Variants in KCNG4 observed in about 807,000 individuals in gnomAD.
KCNG4 encodes potassium voltage-gated channel modifier subfamily G member 4.
KCNG4 carries 30 observed loss-of-function variants against 28.2 expected under a neutral mutation model. The observed-to-expected ratio is 1.06, with a 90% CI of 0.80 to 1.44. The LOEUF (loss-of-function observed/expected upper bound fraction) is 1.44. KCNG4 is among the 40% of genes most tolerant of loss of function. KCNG4 has a pLI of 0.00. For missense variants in KCNG4, 879 were observed against 712.3 expected (o/e 1.23, Z -2.66); for synonymous variants, 375 against 315.5 (o/e 1.19, Z -2.00).
intron 2 of KCNG4, among the ~76,000 whole-genome samples, chr16:84,230,475 G>T (rs184358619): frequency 6.6e-6 from 1 of 150,450 alleles, no homozygotes; most frequent in Non-Finnish European, 1.5e-5. Context: ...AGGAGGCTGA[G>T]GCAGGAGAAT....
At chr16:84,223,407 C>A (rs1378183781) in intron 2 of KCNG4, among the ~76,000 whole-genome samples, 1 of 152,172 alleles carries the variant, frequency 6.6e-6, no homozygotes, top group Non-Finnish European at 1.5e-5. Flanking sequence ...GAGGAGGGAA[C>A]ATCAAGGCGG....
At position 84,221,081 on chromosome 16, in the gene KCNG4, C is replaced by T. The variant is rs1378270089; in HGVS notation, c.*1136G>A. 6.6e-6 allele frequency: 1 copy of T among 152,424 alleles called. No individual in the cohort carries two copies. Among genetic ancestry groups the T allele is most frequent in the African/African-American group, 2.4e-5 (1 of 41,456 alleles). 9.4% of individuals were successfully genotyped at this position (152,424 alleles called of 1,614,324 possible). On this transcript the variant is annotated 3_prime_UTR_variant, in exon 3 of 3. Transcript: ENST00000308251. Reference sequence around the variant, plus strand: ...CTCTCAGAATATGCTGGTTTATCTCCAGTGACTCAGACCTCCATCTGCCTC... The same window carrying T: ...CTCTCAGAATATGCTGGTTTATCTCTAGTGACTCAGACCTCCATCTGCCTC...
At chr16:84,223,123 A>T in intron 2 of KCNG4, 103 bp from the exon 3 acceptor site, 2 of 953,076 alleles carry the variant, frequency 2.1e-6, no homozygotes, top group Non-Finnish European at 3.1e-6. Flanking sequence ...CTGTAAACTT[A>T]GTCGTCCACC....
intron 1 of KCNG4, among the ~76,000 whole-genome samples, chr16:84,239,088 C>T (rs927724518): frequency 1.3e-5 from 2 of 152,216 alleles, no homozygotes; most frequent in Admixed American, 1.3e-4. Context: ...CTTACATTTT[C>T]AGATGCACTC....
chr16:84,223,858 T>A (rs184780452), intron 2 of KCNG4, among the ~76,000 whole-genome samples: 1 of 152,176 alleles, frequency 6.6e-6, no homozygotes, highest in Non-Finnish European at 1.5e-5. Flanking sequence ...ACAGATATCG[T>A]TTCTGATGGC....
intron 2 of KCNG4, among the ~76,000 whole-genome samples, chr16:84,227,163 G>A (rs1247717402): frequency 6.6e-6 from 1 of 152,198 alleles, no homozygotes; most frequent in Non-Finnish European, 1.5e-5. Flanking sequence ...GTAAAATGGG[G>A]CAGCGGCAGT....
intron 1 of KCNG4, among the ~76,000 whole-genome samples, chr16:84,238,486 TC>T (rs770164413): frequency 7.9e-5 from 12 of 152,190 alleles, no homozygotes; most frequent in Middle Eastern, 3.2e-3. Flanking sequence ...ACAGTACTCC[TC>T]CATGTTCGTT....
intron 2 of KCNG4, among the ~76,000 whole-genome samples, chr16:84,230,311 A>G (rs959764713): frequency 6.8e-6 from 1 of 148,076 alleles, no homozygotes; most frequent in Non-Finnish European, 1.5e-5. Flanking sequence ...AGGCTGAGGC[A>G]GGAGAATCGC....
At position 84,219,751 on chromosome 16, in the gene KCNG4, A is replaced by C. The variant is rs929649332; in HGVS notation, c.*2466T>G. 7.1e-6 allele frequency: 1 copy of C among 141,010 alleles called. No individual in the cohort carries two copies. Among genetic ancestry groups the C allele is most frequent in the Non-Finnish European group, 1.5e-5 (1 of 65,798 alleles). 8.7% of individuals were successfully genotyped at this position (141,010 alleles called of 1,614,324 possible). A position where few individuals can be genotyped will look rare whatever the true frequency, so the allele number is the denominator to read the frequency against. On this transcript the variant is annotated 3_prime_UTR_variant, in exon 3 of 3. Coordinates refer to ENST00000308251, the MANE Select transcript of KCNG4 (RefSeq NM_172347.3). The stretch of plus-strand genomic sequence containing the variant: ...CAAAAAAAAAAAAAAAAAAAATGTT[A>C]GTCTGGGCCGGGTGCGGTGGCTCGT...
At chr16:84,238,830 T>TG (rs113927033) in intron 1 of KCNG4, among the ~76,000 whole-genome samples, 5 of 152,006 alleles carry the variant, frequency 3.3e-5, no homozygotes, top group African/African-American at 1.2e-4. Context: ...ATTGCGCCAT[T>TG]GCACTCCAGC....
chr16:84,232,634 T>C (rs1904852680), intron 2 of KCNG4, among the ~76,000 whole-genome samples: 1 of 152,156 alleles, frequency 6.6e-6, no homozygotes, highest in Admixed American at 6.5e-5. Flanking sequence ...GTGCAGTGAC[T>C]CACGCCTATA....
intron 2 of KCNG4, among the ~76,000 whole-genome samples, chr16:84,229,651 A>G (rs10221043): frequency 0.62 from 94,039 of 151,994 alleles, 29,546 homozygotes; most frequent in Middle Eastern, 0.74. Context: ...TGAACGACTC[A>G]TGAATGAGTG....
chr16:84,228,072 T>C (rs766206002), intron 2 of KCNG4, among the ~76,000 whole-genome samples: 3 of 152,174 alleles, frequency 2.0e-5, no homozygotes, highest in Non-Finnish European at 2.9e-5. Context: ...GAAGTGGAAG[T>C]AGTGGGGGTC....
Position 84,222,518 on chromosome 16 carries a change from C to G in KCNG4, c.1259G>C (p.Gly420Ala), listed in dbSNP as rs1904592337. 6.2e-7 allele frequency: 1 copy of G among 1,613,276 alleles called. No individual in the cohort carries two copies. The highest frequency in any genetic ancestry group is 1.3e-5 in the African/African-American group (1 of 74,924). Residue 420 changes from glycine (G) to alanine (A), a missense_variant, in exon 3 of 3, where the codon GGC (glycine) becomes GCC (alanine). Coordinates refer to ENST00000308251, the MANE Select transcript of KCNG4 (RefSeq NM_172347.3). ...WWAIISMTTV[G>A]YGDMVPRSVP... ...ACTGCGGGGCACCATGTCCCCGTAG[C>G]CCACCGTTGTCATGGAGATGATGGC...
chr16:84,221,510 A>AGGTCCCAGGTCCCAGGTCG lies in KCNG4; in HGVS notation c.*706_*707insCGACCTGGGACCTGGGACC, dbSNP rs59521089. 13 of 151,688 alleles carry AGGTCCCAGGTCCCAGGTCG rather than the reference A, an allele frequency of 8.6e-5. No homozygotes were observed. Among genetic ancestry groups the AGGTCCCAGGTCCCAGGTCG allele is most frequent in the Non-Finnish European group, 1.9e-4 (13 of 67,990 alleles). 9.4% of individuals were successfully genotyped at this position (151,688 alleles called of 1,614,324 possible). A position where few individuals can be genotyped will look rare whatever the true frequency, so the allele number is the denominator to read the frequency against. On this transcript the variant is annotated 3_prime_UTR_variant, in exon 3 of 3. Coordinates refer to ENST00000308251, the MANE Select transcript of KCNG4 (RefSeq NM_172347.3). ...GGTCCCAGGTCCCAGGTCCCAGGTC[A>AGGTCCCAGGTCCCAGGTCG]CAGATCCCAGGCATGCCTGGGGATG...
chr16:84,237,496 C>T lies in KCNG4; in HGVS notation c.-11G>A, dbSNP rs756355007. ...GGAAGGCATGGGCATTGCTGAAGAC[C>T]ACCAGGTAGGAAGCGCTGGGTTTAC... On this transcript the variant is annotated 5_prime_UTR_variant, in exon 2 of 3. Transcript: ENST00000308251. 1.4e-6 allele frequency: 2 copies of T among 1,481,116 alleles called. No individual in the cohort carries two copies. Among genetic ancestry groups the T allele is most frequent in the Non-Finnish European group, 1.8e-6 (2 of 1,116,412 alleles). The allele number at this position is 1,481,116 out of a possible 1,614,324, so 91.7% of individuals were successfully genotyped here. A position where few individuals can be genotyped will look rare whatever the true frequency, so the allele number is the denominator to read the frequency against.
In KCNG4 at chr16:84,222,137, G is replaced by A. The variant is rs1904576425; in HGVS notation, c.*80C>T. 1 of 1,394,826 alleles carries A rather than the reference G, an allele frequency of 7.2e-7. No homozygotes were observed. The highest frequency in any genetic ancestry group is 1.0e-6 in the Non-Finnish European group (1 of 998,472). 86.4% of individuals were successfully genotyped at this position (1,394,826 alleles called of 1,614,324 possible). The stretch of plus-strand genomic sequence containing the variant: ...CTGGGCTCTAGAAACACCACCAGGT[G>A]GTCTATGCGGGGTACCCTTGAGTGT... On this transcript the variant is annotated 3_prime_UTR_variant, in exon 3 of 3. Coordinates refer to ENST00000308251, the MANE Select transcript of KCNG4 (RefSeq NM_172347.3).
At position 84,218,675 on chromosome 16, in the gene KCNG4, G is replaced by T. The variant is rs1352032391; in HGVS notation, c.*3542C>A. 6.6e-6 allele frequency: 1 copy of T among 152,154 alleles called. No homozygotes were observed. The highest frequency in any genetic ancestry group is 2.4e-5 in the African/African-American group (1 of 41,442). The allele number at this position is 152,154 out of a possible 1,614,324, so 9.4% of individuals were successfully genotyped here. A position where few individuals can be genotyped will look rare whatever the true frequency, so the allele number is the denominator to read the frequency against. ...ACCCGTCTCCTGGGACATTACCAGGGAGAAAAAATAGAGCGTTTAATTAAG... is the reference window on the plus strand; with the variant it reads ...ACCCGTCTCCTGGGACATTACCAGGTAGAAAAAATAGAGCGTTTAATTAAG... On this transcript the variant is annotated 3_prime_UTR_variant, in exon 3 of 3. Transcript: ENST00000308251.
At position 84,239,928 on chromosome 16, in the gene KCNG4, T is replaced by G. The variant is rs866488376; in HGVS notation, c.-299A>C. Among the ~76,000 whole-genome samples, 25 of 151,978 alleles carry G rather than the reference T, an allele frequency of 1.6e-4. No homozygotes were observed. The highest frequency in any genetic ancestry group is 3.4e-3 in the Middle Eastern group (1 of 294). On this transcript the variant is annotated 5_prime_UTR_variant, in exon 1 of 3. Coordinates refer to ENST00000308251, the MANE Select transcript of KCNG4 (RefSeq NM_172347.3). Reference sequence around the variant, plus strand: ...GGGGGATTGAGGTGGGATTTTTTTTTTTTTTTAAAGGACCCAGAAGTCCCT... The same window carrying G: ...GGGGGATTGAGGTGGGATTTTTTTTGTTTTTTAAAGGACCCAGAAGTCCCT...
Sources: gnomAD v4.1 joint callset for allele counts (sites outside exome capture counted in the v4.1 genomes callset) on GRCh38, gnomAD v4.1.1 for gene constraint, MANE v1.5 for transcripts, NCBI Gene and HGNC (gene_info 2026-07-23, HGNC 2026-07-21) for gene names.